Variants in ADGRL2 observed in about 807,000 individuals in gnomAD.
The protein encoded by ADGRL2 is calcium-independent alpha-latrotoxin receptor 2.
A neutral mutation model predicts 157.4 loss-of-function variants in ADGRL2; 44 were observed. The ratio of observed to expected loss-of-function variants is 0.28; its 90% CI spans 0.22 to 0.36. ADGRL2 has a LOEUF of 0.36. Among genes scored for constraint, ADGRL2 ranks in the 10% least tolerant of loss-of-function variants. The pLI, the probability that ADGRL2 is intolerant of heterozygous loss-of-function variation, is 1.00. For missense variants in ADGRL2, 1,510 were observed against 1,768.9 expected (o/e 0.85, Z 2.63); for synonymous variants, 585 against 624.7 (o/e 0.94, Z 0.95).
chr1:81,706,773 C>T (rs2083750805), intron 1 of ADGRL2, among the ~76,000 whole-genome samples: 1 of 152,066 alleles, frequency 6.6e-6, no homozygotes, highest in South Asian at 2.1e-4. Flanking sequence ...AAGGCCTGAT[C>T]AGGCATCAAG....
chr1:81,866,316 A>G (rs2093542276), intron 2 of ADGRL2, among the ~76,000 whole-genome samples: 1 of 151,830 alleles, frequency 6.6e-6, no homozygotes, highest in Non-Finnish European at 1.5e-5. Flanking sequence ...CATCCTATTT[A>G]TTTTCTCCTT....
chr1:81,647,504 A>C (rs562808169), intron 3 of ADGRL2, among the ~76,000 whole-genome samples: 1 of 152,164 alleles, frequency 6.6e-6, no homozygotes, highest in African/African-American at 2.4e-5. Context: ...CAGTGTCCCC[A>C]GAGGAAAAAT....
intron 2 of ADGRL2, among the ~76,000 whole-genome samples, chr1:81,449,730 T>C (rs1229668559): frequency 1.3e-5 from 2 of 152,020 alleles, no homozygotes. Flanking sequence ...GCCTCCCGAG[T>C]AGCTGGGACT....
chr1:81,421,506 A>G (rs2077124134), intron 1 of ADGRL2, among the ~76,000 whole-genome samples: 1 of 152,212 alleles, frequency 6.6e-6, no homozygotes, highest in Non-Finnish European at 1.5e-5. Flanking sequence ...TAGAATACTC[A>G]TAACTGCAAG....
At chr1:81,509,396 G>A (rs2079035944) in intron 2 of ADGRL2, among the ~76,000 whole-genome samples, 1 of 151,720 alleles carries the variant, frequency 6.6e-6, no homozygotes, top group South Asian at 2.1e-4. Context: ...CTGCTTCCTG[G>A]CACATTCCTT....
intron 2 of ADGRL2, among the ~76,000 whole-genome samples, chr1:81,859,406 CT>C (rs34509135): frequency 0.17 from 20,982 of 124,626 alleles, 1,159 homozygotes; most frequent in South Asian, 0.26. Flanking sequence ...AGAATAAAAC[CT>C]TTTTTTTTTT....
At chr1:81,539,007 C>CAAAA (rs71242586) in intron 2 of ADGRL2, among the ~76,000 whole-genome samples, 2 of 82,506 alleles carry the variant, frequency 2.4e-5, no homozygotes, top group Non-Finnish European at 2.3e-5. Flanking sequence ...GACCCTGTCT[C>CAAAA]AAAAAAAAAA....
chr1:81,703,857 T>A (rs1046219444), intron 1 of ADGRL2, among the ~76,000 whole-genome samples: 1 of 152,148 alleles, frequency 6.6e-6, no homozygotes, highest in South Asian at 2.1e-4. Context: ...GGTTCTTTTG[T>A]TTGTTTGTTT....
At chr1:81,459,425 G>A (rs546224810) in intron 2 of ADGRL2, among the ~76,000 whole-genome samples, 1 of 152,216 alleles carries the variant, frequency 6.6e-6, no homozygotes, top group South Asian at 2.1e-4. Context: ...TGAAGTATTT[G>A]TCCTTCTGTA....
At chr1:81,488,264 C>T (rs2078552114) in intron 2 of ADGRL2, among the ~76,000 whole-genome samples, 1 of 152,176 alleles carries the variant, frequency 6.6e-6, no homozygotes, top group African/African-American at 2.4e-5. Context: ...CTTAAATTTA[C>T]ACCTCAGGTG....
intron 2 of ADGRL2, among the ~76,000 whole-genome samples, chr1:81,451,053 A>T (rs147325422): frequency 6.6e-6 from 1 of 152,252 alleles, no homozygotes; most frequent in Non-Finnish European, 1.5e-5. Context: ...ATTCATTTTC[A>T]TATAAGTCTC....
chr1:81,750,365 T>C (rs1255395652), intron 1 of ADGRL2, among the ~76,000 whole-genome samples: 1 of 152,138 alleles, frequency 6.6e-6, no homozygotes, highest in Non-Finnish European at 1.5e-5. Context: ...AAAGTAAACA[T>C]ATTAAAAATA....
At chr1:81,674,405 G>A (rs2082940319) in intron 3 of ADGRL2, among the ~76,000 whole-genome samples, 1 of 152,226 alleles carries the variant, frequency 6.6e-6, no homozygotes, top group Non-Finnish European at 1.5e-5. Context: ...GAAATTGCCA[G>A]TGCATGGTGC....
intron 1 of ADGRL2, among the ~76,000 whole-genome samples, chr1:81,756,848 T>A (rs1331238830): frequency 1.3e-5 from 2 of 152,206 alleles, no homozygotes; most frequent in African/African-American, 2.4e-5. Flanking sequence ...TACTTGTTGA[T>A]TGAAGACACT....
chr1:81,897,723 A>G (rs563607350), intron 2 of ADGRL2, among the ~76,000 whole-genome samples: 2 of 152,268 alleles, frequency 1.3e-5, no homozygotes, highest in African/African-American at 4.8e-5. Context: ...GCAAGTCCCC[A>G]AGTTGAAAAT....
At chr1:81,696,745 C>G (rs1204735073), upstream of ADGRL2, among the ~76,000 whole-genome samples, 4 of 151,902 alleles carry the variant, frequency 2.6e-5, no homozygotes, top group Admixed American at 6.6e-5. Context: ...GAGCGAGACT[C>G]CATCTCAAAA....
At chr1:81,770,028 T>C (rs1557636535) in intron 2 of ADGRL2, among the ~76,000 whole-genome samples, 1 of 151,674 alleles carries the variant, frequency 6.6e-6, no homozygotes, top group Non-Finnish European at 1.5e-5. Context: ...ATTTTTCATA[T>C]TTTTAGTAGA....
chr1:81,798,832 G>T (rs552995939), upstream of ADGRL2, among the ~76,000 whole-genome samples: 12 of 152,174 alleles, frequency 7.9e-5, no homozygotes, highest in East Asian at 2.1e-3. Context: ...TACTTACTAA[G>T]CTCACTAAAT....
chr1:81,959,011 A>T (rs1020679582), intron 11 of ADGRL2, among the ~76,000 whole-genome samples: 3 of 152,198 alleles, frequency 2.0e-5, no homozygotes, highest in African/African-American at 7.2e-5. Flanking sequence ...CATTGTGAAG[A>T]CATACCACAA....
Sources: gnomAD v4.1 joint callset for allele counts (sites outside exome capture counted in the v4.1 genomes callset) on GRCh38, gnomAD v4.1.1 for gene constraint, MANE v1.5 for transcripts, NCBI Gene and HGNC (gene_info 2026-07-23, HGNC 2026-07-21) for gene names.